The following PTPRD variants were observed in gnomAD, a reference collection of about 807,000 sequenced individuals.
PTPRD encodes the protein protein tyrosine phosphatase receptor type D.
PTPRD carries 34 observed loss-of-function variants against 214.5 expected under a neutral mutation model. The observed-to-expected ratio is 0.16, with a 90% CI of 0.12 to 0.21. The LOEUF (loss-of-function observed/expected upper bound fraction) is 0.21, where lower values mean the gene tolerates loss of function less well. Ranked by LOEUF, PTPRD falls within the 10% of genes least tolerant of loss-of-function variation. The pLI, the probability that PTPRD is intolerant of heterozygous loss-of-function variation, is 1.00. For missense variants in PTPRD, 2,545 were observed against 2,398.7 expected (o/e 1.06, Z -1.27); for synonymous variants, 1,128 against 845.7 (o/e 1.33, Z -5.79).
rs575638175 is a variant in PTPRD, at chr9:9,547,046, G to T, written c.-237+27686C>A. On this transcript the variant is annotated intron_variant, in intron 8 of 45. Coordinates refer to ENST00000381196, the MANE Select transcript of PTPRD (RefSeq NM_002839.4). ...AGCAGGGGAAGACTATGAAGAGAGG[G>T]TTCTCATGCTTGTATGCTTGGTAAC... Among the ~76,000 whole-genome samples the T allele has an allele frequency of 5.9e-5, 9 of 151,782 alleles. No individual in the cohort carries two copies. In the East Asian group the frequency reaches 1.7e-3, roughly 29 times the overall value.
intron 7 of PTPRD, among the ~76,000 whole-genome samples, chr9:9,702,600 T>C (rs1172342472): frequency 6.6e-6 from 1 of 152,188 alleles, no homozygotes; most frequent in Non-Finnish European, 1.5e-5. Flanking sequence ...TCAAGCCACT[T>C]TTTGAGAAAA....
At chr9:10,130,211 A>G (rs562373665) in intron 3 of PTPRD, among the ~76,000 whole-genome samples, 1 of 150,906 alleles carries the variant, frequency 6.6e-6, no homozygotes, top group South Asian at 2.1e-4. Context: ...CTACTGGGAC[A>G]TAATATTCAC....
chr9:9,737,256 T>C (rs927174977), intron 6 of PTPRD, among the ~76,000 whole-genome samples: 20 of 152,300 alleles, frequency 1.3e-4, no homozygotes, highest in South Asian at 1.2e-3. Context: ...TTGTCTATAT[T>C]GTACTGTCTT....
intron 5 of PTPRD, among the ~76,000 whole-genome samples, chr9:9,801,549 G>A (rs997542775): frequency 1.3e-5 from 2 of 151,942 alleles, no homozygotes; most frequent in Non-Finnish European, 2.9e-5. Flanking sequence ...GTATATAAAG[G>A]GAGCATATTT....
At chr9:9,186,347 G>A (rs953843813) in intron 9 of PTPRD, among the ~76,000 whole-genome samples, 1 of 152,072 alleles carries the variant, frequency 6.6e-6, no homozygotes, top group Non-Finnish European at 1.5e-5. Flanking sequence ...ACTTTAAAGC[G>A]AAGATCTGTC....
chr9:10,285,045 A>G (rs990580375), intron 3 of PTPRD, among the ~76,000 whole-genome samples: 40 of 152,198 alleles, frequency 2.6e-4, no homozygotes, highest in African/African-American at 9.6e-4. Flanking sequence ...AGTTATGAAT[A>G]TTTAATTTTA....
Position 8,739,433 on chromosome 9 carries a change from G to A in PTPRD, c.-103-5487C>T, listed in dbSNP as rs7018520. Among the ~76,000 whole-genome samples, 390 of 152,324 alleles carry A rather than the reference G, an allele frequency of 2.6e-3. 3 individuals are homozygous for A. The highest frequency in any genetic ancestry group is 8.7e-3 in the African/African-American group (360 of 41,578). ...TGACTAATAATTGACCACTTTAAACGTAGCTAGTGCGACTGAGGAAGTAAA... is the reference window on the plus strand; with the variant it reads ...TGACTAATAATTGACCACTTTAAACATAGCTAGTGCGACTGAGGAAGTAAA... On this transcript the variant is annotated intron_variant, in intron 11 of 45. Coordinates refer to ENST00000381196, the MANE Select transcript of PTPRD (RefSeq NM_002839.4).
intron 4 of PTPRD, among the ~76,000 whole-genome samples, chr9:10,031,303 T>G (rs2097061193): frequency 6.6e-6 from 1 of 152,106 alleles, no homozygotes; most frequent in South Asian, 2.1e-4. Flanking sequence ...GTATTGATCC[T>G]GGGTGTGTCT....
chr9:10,405,517 AC>A (rs1385762250), intron 2 of PTPRD, among the ~76,000 whole-genome samples: 1 of 73,090 alleles, frequency 1.4e-5, no homozygotes, highest in Non-Finnish European at 3.6e-5. Context: ...TGATTAATTC[AC>A]TAAACAAGGA....
intron 5 of PTPRD, among the ~76,000 whole-genome samples, chr9:9,796,710 G>T (rs566137021): frequency 2.0e-5 from 3 of 152,196 alleles, no homozygotes; most frequent in East Asian, 1.9e-4. Context: ...AGGTAAAGTC[G>T]GAAAGGACTT....
chr9:9,262,642 T>C (rs1478803845), intron 9 of PTPRD, among the ~76,000 whole-genome samples: 1 of 151,660 alleles, frequency 6.6e-6, no homozygotes, highest in Non-Finnish European at 1.5e-5. Context: ...CTTACTATCA[T>C]CATTCACTTA....
chr9:8,579,337 G>C (rs1285659854), intron 14 of PTPRD, among the ~76,000 whole-genome samples: 1 of 152,168 alleles, frequency 6.6e-6, no homozygotes, highest in Non-Finnish European at 1.5e-5. Context: ...AATTTTAAAA[G>C]AAAAGATATA....
chr9:9,133,012 T>G (rs538956474), intron 10 of PTPRD, among the ~76,000 whole-genome samples: 1 of 152,314 alleles, frequency 6.6e-6, no homozygotes, highest in South Asian at 2.1e-4. Flanking sequence ...TTTAAGTTAC[T>G]CTAAGGGTAG....
intron 9 of PTPRD, among the ~76,000 whole-genome samples, chr9:9,207,429 A>G (rs1006338815): frequency 1.3e-5 from 2 of 152,132 alleles, no homozygotes; most frequent in Non-Finnish European, 2.9e-5. Context: ...AAAAAAATCA[A>G]TCATACAATA....
At chr9:8,576,652 C>T (rs201187938) in intron 14 of PTPRD, among the ~76,000 whole-genome samples, 2 of 107,196 alleles carry the variant, frequency 1.9e-5, no homozygotes, top group African/African-American at 7.6e-5. Context: ...AAAAAAAAAT[C>T]CATATTTGCA....
chr9:10,208,474 A>T (rs574329111), intron 3 of PTPRD, among the ~76,000 whole-genome samples: 2 of 152,362 alleles, frequency 1.3e-5, no homozygotes, highest in South Asian at 2.1e-4. Context: ...AGATCGCGCC[A>T]CTGCACTCCA....
intron 11 of PTPRD, among the ~76,000 whole-genome samples, chr9:8,888,224 A>G (rs1326472712): frequency 6.6e-6 from 1 of 152,206 alleles, no homozygotes; most frequent in Non-Finnish European, 1.5e-5. Context: ...ACAACAAAAC[A>G]AGAGTGCTCA....
chr9:8,412,338 A>G (rs904983877), intron 35 of PTPRD, among the ~76,000 whole-genome samples: 1 of 152,214 alleles, frequency 6.6e-6, no homozygotes, highest in Non-Finnish European at 1.5e-5. Context: ...AACAGACAAA[A>G]TTATCTAGCA....
intron 36 of PTPRD, among the ~76,000 whole-genome samples, chr9:8,389,983 A>C (rs904780): frequency 5.9e-5 from 9 of 152,094 alleles, no homozygotes; most frequent in East Asian, 1.9e-4. Flanking sequence ...AAGTTGCTCA[A>C]GTTGGTGGAA....
Sources: allele counts gnomAD v4.1 joint callset (sites outside exome capture counted in the v4.1 genomes callset), GRCh38; gene constraint gnomAD v4.1.1; transcripts MANE v1.5; gene names NCBI Gene and HGNC (gene_info 2026-07-23, HGNC 2026-07-21).